WFDC10B: variants seen among roughly 807,000 people sequenced by gnomAD.
WFDC10B encodes the protein protein WFDC10B.
In WFDC10B, 1 loss-of-function variant was observed where a neutral mutation model predicts 2.7. The ratio of observed to expected loss-of-function variants is 0.38; its 90% CI spans 0.13 to 1.79. WFDC10B has a LOEUF of 1.79. Among genes scored for constraint, WFDC10B ranks in the 40% most tolerant of loss-of-function variants. The pLI, the probability that WFDC10B is intolerant of heterozygous loss-of-function variation, is 0.33. For missense variants in WFDC10B, 71 were observed against 87.8 expected (o/e 0.81, Z 0.76); for synonymous variants, 26 against 32.2 (o/e 0.81, Z 0.65).
At position 45,696,194 on chromosome 20, in the gene WFDC10B, G is replaced by A. The variant is rs187556477; in HGVS notation, c.-65+8303C>T. On this transcript the variant is annotated intron_variant, in intron 2 of 3. Transcript: ENST00000330523. ...CCAGCTACTCAGGAGTCTGAGGCAG[G>A]AGAATCGCTTGAACCCAGGAGGCAG... Among the ~76,000 whole-genome samples the A allele has an allele frequency of 3.2e-3, 480 of 150,550 alleles. 4 individuals carry two copies. Among genetic ancestry groups the A allele is most frequent in the African/African-American group, 0.011 (443 of 40,894 alleles).
intron 2 of WFDC10B, among the ~76,000 whole-genome samples, chr20:45,695,818 C>T (rs1312467574): frequency 6.6e-6 from 1 of 151,706 alleles, no homozygotes; most frequent in Non-Finnish European, 1.5e-5. Context: ...GACCCTGTCT[C>T]TACAAAAAAC....
intron 1 of WFDC10B, 123 bp from the exon 2 acceptor site, chr20:45,704,684 CT>C (rs1984315486): frequency 1.4e-6 from 2 of 1,471,476 alleles, no homozygotes. Flanking sequence ...TGCTGGATCT[CT>C]CCTTTTTTTT....
intron 2 of WFDC10B, among the ~76,000 whole-genome samples, chr20:45,698,480 T>C (rs981842478): frequency 1.3e-5 from 2 of 149,730 alleles, no homozygotes; most frequent in African/African-American, 2.5e-5. Context: ...ATCAAAAAAG[T>C]GAAAAGACAG....
chr20:45,690,359 TGAG>T (rs1376152209), intron 2 of WFDC10B, among the ~76,000 whole-genome samples: 5 of 152,124 alleles, frequency 3.3e-5, no homozygotes, highest in Admixed American at 3.3e-4. Flanking sequence ...TCTCATAAAA[TGAG>T]TTAGGGAGGA....
chr20:45,695,543 AT>A, intron 2 of WFDC10B, among the ~76,000 whole-genome samples: 1 of 152,362 alleles, frequency 6.6e-6, no homozygotes, highest in East Asian at 1.9e-4. Flanking sequence ...ATTTTAAAAG[AT>A]TGAAATTATA....
Position 45,684,915 on chromosome 20 carries a change from T to G in WFDC10B, c.137A>C (p.His46Pro), listed in dbSNP as rs746233074. 3 of 1,614,020 alleles carry G rather than the reference T, an allele frequency of 1.9e-6. No homozygotes were observed. The highest frequency in any genetic ancestry group is 2.2e-5 in the East Asian group (1 of 44,878). ...ACACTTTTGGAAATATGAACAGTGG[T>G]GGATGCATAGATCTATGCTGGGTCG... Reference protein sequence around the residue: ...EKRPSIDLCIHHCSYFQKCET... With the variant: ...EKRPSIDLCIPHCSYFQKCET... The change falls in exon 4 of 4, where the codon CAC becomes CCC. Residue 46 changes from histidine to proline, a missense_variant. His to Pro is a moderately conservative substitution (Grantham distance 77). Coordinates refer to ENST00000330523, the MANE Select transcript of WFDC10B (RefSeq NM_172006.2).
At chr20:45,704,369 C>A (rs1467432356) in intron 2 of WFDC10B, 128 bp downstream of exon 2, 1 of 1,534,482 alleles carries the variant, frequency 6.5e-7, no homozygotes, top group Non-Finnish European at 8.8e-7. Context: ...CCTGGCAGTT[C>A]CCTGGGCTTT....
At chr20:45,699,756 G>A (rs935975098) in intron 2 of WFDC10B, among the ~76,000 whole-genome samples, 3 of 152,178 alleles carry the variant, frequency 2.0e-5, no homozygotes, top group African/African-American at 7.2e-5. Context: ...TTGGCTCACT[G>A]CAACCTCTGC....
chr20:45,701,563 A>G (rs2016169549), intron 2 of WFDC10B, among the ~76,000 whole-genome samples: 1 of 152,140 alleles, frequency 6.6e-6, no homozygotes, highest in Non-Finnish European at 1.5e-5. Context: ...GGAGTTCAAG[A>G]CTAGCCTGGA....
chr20:45,690,713 A>G (rs1983785064), intron 2 of WFDC10B, among the ~76,000 whole-genome samples: 1 of 151,666 alleles, frequency 6.6e-6, no homozygotes, highest in Non-Finnish European at 1.5e-5. Flanking sequence ...TATTGCATCT[A>G]TTTGATTCTT....
chr20:45,687,878 A>G (rs1568669892), intron 2 of WFDC10B, among the ~76,000 whole-genome samples: 1 of 147,524 alleles, frequency 6.8e-6, no homozygotes, highest in East Asian at 2.0e-4. Flanking sequence ...TATTATTATT[A>G]TTATTATTAT....
At chr20:45,697,856 G>C (rs1984026834) in intron 2 of WFDC10B, among the ~76,000 whole-genome samples, 1 of 149,328 alleles carries the variant, frequency 6.7e-6, no homozygotes, top group Admixed American at 6.8e-5. Flanking sequence ...CAATTCTCCT[G>C]CTTCAGCCTC....
At chr20:45,687,078 G>A (rs552125765) in intron 2 of WFDC10B, among the ~76,000 whole-genome samples, 11 of 152,106 alleles carry the variant, frequency 7.2e-5, no homozygotes, top group Admixed American at 1.3e-4. Flanking sequence ...CATGTGCTGT[G>A]GGGGCTTGCT....
intron 3 of WFDC10B, 49 bp downstream of exon 3, chr20:45,685,853 A>G: frequency 6.2e-7 from 1 of 1,605,748 alleles, no homozygotes; most frequent in South Asian, 1.1e-5. Context: ...CAGCTCCTCC[A>G]TTCCCCCTAC....
At chr20:45,690,274 T>A (rs1265534902) in intron 2 of WFDC10B, among the ~76,000 whole-genome samples, 1 of 150,926 alleles carries the variant, frequency 6.6e-6, no homozygotes, top group Non-Finnish European at 1.5e-5. Flanking sequence ...GCATCAATGT[T>A]CATCAAGGAT....
chr20:45,684,889 C>T lies in WFDC10B; in HGVS notation c.163G>A (p.Glu55Lys). 1 of 1,614,042 alleles carries T rather than the reference C, an allele frequency of 6.2e-7. No individual in the cohort carries two copies. Among genetic ancestry groups the T allele is most frequent in the Non-Finnish European group, 8.5e-7 (1 of 1,179,964 alleles). ...IHHCSYFQKC[E>K]TNKICCSAFC... ...GCTGAACAGCATATCTTATTTGTTT[C>T]ACACTTTTGGAAATATGAACAGTGG... The change falls in exon 4 of 4, where the codon GAA (glutamate) becomes AAA (lysine). Residue 55 changes from glutamate to lysine, a missense_variant. Glu to Lys is a moderately conservative substitution (Grantham distance 56). Coordinates refer to ENST00000330523, the MANE Select transcript of WFDC10B (RefSeq NM_172006.2).
At chr20:45,698,996 G>A (rs763943434) in intron 2 of WFDC10B, among the ~76,000 whole-genome samples, 24 of 100,342 alleles carry the variant, frequency 2.4e-4, no homozygotes, top group South Asian at 1.9e-3. Flanking sequence ...AGGAGGAGAA[G>A]GAGGGGGAGG....
chr20:45,693,905 C>T (rs1186108133), intron 2 of WFDC10B, among the ~76,000 whole-genome samples: 3 of 152,228 alleles, frequency 2.0e-5, no homozygotes, highest in Non-Finnish European at 4.4e-5. Flanking sequence ...ATGCAGAAAT[C>T]ACCCGTCCTC....
chr20:45,688,883 G>A (rs1182720932), intron 2 of WFDC10B, among the ~76,000 whole-genome samples: 2 of 151,940 alleles, frequency 1.3e-5, no homozygotes, highest in Non-Finnish European at 2.9e-5. Context: ...TGTTTCCATT[G>A]CTTTTGGTGT....
Sources: gnomAD v4.1 joint callset for allele counts (sites outside exome capture counted in the v4.1 genomes callset) on GRCh38, gnomAD v4.1.1 for gene constraint, MANE v1.5 for transcripts, NCBI Gene and HGNC (gene_info 2026-07-23, HGNC 2026-07-21) for gene names.